The following SLC2A14 variants were observed in gnomAD, a reference collection of about 807,000 sequenced individuals.
SLC2A14 encodes solute carrier family 2, facilitated glucose transporter member 14.
Under a neutral mutation model 43.0 loss-of-function variants are expected in SLC2A14, and 13 were observed. The ratio of observed to expected loss-of-function variants is 0.30; its 90% confidence interval spans 0.20 to 0.48. The LOEUF is 0.48. Among genes scored for constraint, SLC2A14 ranks in the 20% least tolerant of loss-of-function variants. The pLI is 0.99. For synonymous variants in SLC2A14, 190 were observed against 233.8 expected (o/e 0.81, Z 1.71); for missense variants, 428 against 620.4 (o/e 0.69, Z 3.29).
intron 1 of SLC2A14, chr12:7,870,780 C>CA (rs1592314314): frequency 1.1e-6 from 1 of 881,356 alleles, no homozygotes; most frequent in Non-Finnish European, 1.4e-6. Context: ...ATATACTTTT[C>CA]AAAAAAAGTA....
chr12:7,884,552 A>C (rs1481093926), intron 1 of SLC2A14, among the ~76,000 whole-genome samples: 2 of 152,124 alleles, frequency 1.3e-5, no homozygotes, highest in East Asian at 3.8e-4. Flanking sequence ...TACGGTCAAC[A>C]GCTTCATTTT....
chr12:7,814,946 C>T (rs982364039), intron 10 of SLC2A14, among the ~76,000 whole-genome samples: 5 of 151,798 alleles, frequency 3.3e-5, no homozygotes, highest in Non-Finnish European at 5.9e-5. Context: ...ACTACAGGTG[C>T]CCACCAGCAC....
At chr12:7,815,793 C>T (rs1863388051) in intron 10 of SLC2A14, among the ~76,000 whole-genome samples, 1 of 152,106 alleles carries the variant, frequency 6.6e-6, no homozygotes, top group Non-Finnish European at 1.5e-5. Flanking sequence ...TCAGGCTGGT[C>T]TTGCACTCCC....
chr12:7,859,249 G>C (rs569568951), intron 2 of SLC2A14, among the ~76,000 whole-genome samples: 1 of 152,056 alleles, frequency 6.6e-6, no homozygotes, highest in Non-Finnish European at 1.5e-5. Context: ...AGTTAGCTAG[G>C]CGTAGTGGCG....
intron 2 of SLC2A14, among the ~76,000 whole-genome samples, chr12:7,848,506 C>A (rs1457651693): frequency 6.6e-6 from 1 of 151,796 alleles, no homozygotes; most frequent in Admixed American, 6.6e-5. Context: ...ATTACCTAGT[C>A]ATCCTTGTCC....
chr12:7,874,919 ATATATATTTATATAT>A (rs1409956639), upstream of SLC2A14, among the ~76,000 whole-genome samples: 2 of 85,566 alleles, frequency 2.3e-5, no homozygotes, highest in East Asian at 3.0e-4. Context: ...ACATATATAA[ATATATATTTATATAT>A]AATTTATATA....
At chr12:7,826,092 A>C (rs1451772184) in intron 7 of SLC2A14, among the ~76,000 whole-genome samples, 1 of 152,026 alleles carries the variant, frequency 6.6e-6, no homozygotes, top group African/African-American at 2.4e-5. Flanking sequence ...CTGCTCTGGA[A>C]AGTCTCGGGA....
In SLC2A14 at chr12:7,862,531, C is replaced by T. The variant is rs1409057589; in HGVS notation, c.18+7332G>A. Among the ~76,000 whole-genome samples the T allele has an allele frequency of 3.3e-5, 5 of 152,202 alleles. No individual in the cohort carries two copies. In the South Asian group the frequency reaches 6.2e-4, roughly 19 times the overall value. ...ACGAATGCCGCCCCCTGCTCCACGG[C>T]GCCCAGTCCCATCGACCACCCAAGA... On this transcript the variant is annotated intron_variant, in intron 2 of 10. Coordinates refer to ENST00000431042, the MANE Select transcript of SLC2A14 (RefSeq NM_001286234.2).
chr12:7,828,364 CAAA>C (rs34164271), intron 6 of SLC2A14, among the ~76,000 whole-genome samples: 83 of 142,184 alleles, frequency 5.8e-4, no homozygotes, highest in Admixed American at 5.6e-4. Context: ...GACTCTGTCT[CAAA>C]AAAAAAAAAA....
At chr12:7,821,462 C>T (rs949508796) in intron 7 of SLC2A14, 137 bp from the exon 8 acceptor site, 10 of 661,000 alleles carry the variant, frequency 1.5e-5, no homozygotes, top group East Asian at 2.8e-5. Flanking sequence ...GCAAGCAGAT[C>T]GCCTGAGGTC....
exon 1 of SLC2A14, chr12:7,891,105 C>G (rs1565593963): frequency 5.9e-6 from 9 of 1,534,434 alleles, no homozygotes; most frequent in African/African-American, 1.4e-5. Context: ...TACTTCTACT[C>G]TCAACAGTTG....
At chr12:7,869,967 T>G in intron 1 of SLC2A14, 30 bp from the exon 2 acceptor site, 1 of 1,397,714 alleles carries the variant, frequency 7.2e-7, no homozygotes, top group Non-Finnish European at 9.7e-7. Context: ...AGTTATTCAT[T>G]TACTCCATCT....
chr12:7,869,717 G>A, intron 2 of SLC2A14, 146 bp downstream of exon 2: 1 of 524,938 alleles, frequency 1.9e-6, no homozygotes. Flanking sequence ...TACCAAGTCT[G>A]TTGGCTGTAA....
chr12:7,878,628 A>G (rs776191756), intron 1 of SLC2A14, among the ~76,000 whole-genome samples: 10 of 152,156 alleles, frequency 6.6e-5, no homozygotes, highest in African/African-American at 2.2e-4. Context: ...CTAACATTTT[A>G]CCAGAAAAAA....
In SLC2A14 at chr12:7,814,354, T is replaced by C. The variant is rs372877865; in HGVS notation, c.1456A>G (p.Ser486Gly). The C allele has an allele frequency of 1.2e-6, 2 of 1,610,108 alleles. No individual in the cohort carries two copies. Among genetic ancestry groups the C allele is most frequent in the African/African-American group, 1.3e-5 (1 of 74,566 alleles). ...GTGGTCTCCTTAGCAGGCTCGATGC[T>C]GTTCATCCCCATGACGCCGTCCTTC... ...SGKDGVMGMNSIEPAKETTTN... is the reference protein window; with the variant it reads ...SGKDGVMGMNGIEPAKETTTN... The change falls in exon 11 of 11, where the codon AGC becomes GGC. Residue 486 changes from serine to glycine, a missense_variant. By Grantham distance (56) the Ser-to-Gly change is moderately conservative (BLOSUM62 0). This residue lies in a region of SLC2A14 where 119 missense variants were observed against 188.7 expected (regional missense o/e 0.63). Transcript: ENST00000431042.
At chr12:7,827,011 C>CTT (rs1864517048) in intron 7 of SLC2A14, among the ~76,000 whole-genome samples, 3 of 137,936 alleles carry the variant, frequency 2.2e-5, no homozygotes, top group African/African-American at 7.8e-5. Flanking sequence ...CTTTCTCTCT[C>CTT]TCTCTTTCTC....
At chr12:7,876,501 T>G (rs1945466698), upstream of SLC2A14, among the ~76,000 whole-genome samples, 1 of 143,608 alleles carries the variant, frequency 7.0e-6, no homozygotes, top group South Asian at 2.3e-4. Context: ...GGTGGAAATG[T>G]AAATTGGTGC....
In SLC2A14 at chr12:7,817,817, G is replaced by T. The variant is rs750189177; in HGVS notation, c.1275+14C>A. On this transcript the variant is annotated intron_variant, in intron 10 of 10. Coordinates refer to ENST00000431042, the MANE Select transcript of SLC2A14 (RefSeq NM_001286234.2). ...ATAGATACATAGATACATAGATAAG[G>T]TGAGTTTACTTACAGCAGCAGAGGG... 1.9e-6 allele frequency: 3 copies of T among 1,598,612 alleles called. No individual in the cohort carries two copies. Among genetic ancestry groups the T allele is most frequent in the Non-Finnish European group, 2.6e-6 (3 of 1,171,356 alleles).
intron 2 of SLC2A14, among the ~76,000 whole-genome samples, 188 bp from the exon 3 acceptor site, chr12:7,833,002 C>G (rs1238714154): frequency 5.3e-5 from 8 of 152,074 alleles, no homozygotes; most frequent in Non-Finnish European, 1.2e-4. Context: ...AAGAACTTAT[C>G]TGGAGATAAG....
Sources: allele counts gnomAD v4.1 joint callset (sites outside exome capture counted in the v4.1 genomes callset), GRCh38; gene constraint gnomAD v4.1.1; regional missense constraint gnomAD v4.1.1; transcripts MANE v1.5; gene names NCBI Gene and HGNC (gene_info 2026-07-23, HGNC 2026-07-21).